Variants in POP5 observed in about 807,000 individuals in gnomAD.
POP5 encodes the protein ribonuclease P/MRP protein subunit POP5.
POP5 carries 18 observed loss-of-function variants against 20.7 expected under a neutral mutation model. The ratio of observed to expected loss-of-function variants is 0.87; its 90% CI spans 0.60 to 1.29. POP5 has a LOEUF of 1.29. Among genes scored for constraint, POP5 ranks in the 50% most tolerant of loss-of-function variants. POP5 has a pLI of 0.00. For synonymous variants in POP5, 91 were observed against 78.0 expected (o/e 1.17, Z -0.88); for missense variants, 200 against 203.2 (o/e 0.98, Z 0.10).
At position 120,579,440 on chromosome 12, in the gene POP5, A is replaced by T. The variant is rs509445; in HGVS notation, c.398-28T>A. The T allele has an allele frequency of 1.5e-5, 24 of 1,609,008 alleles. No homozygotes were observed. In the East Asian group the frequency reaches 4.9e-4, roughly 33 times the overall value. The stretch of plus-strand genomic sequence containing the variant: ...GGAGAAGGCAGATAACAGGGATGAA[A>T]GATATCTTTGGGAGTGATTTCTTCA... On this transcript the variant is annotated intron_variant, in intron 4 of 4. Transcript: ENST00000357500.
At chr12:120,581,313 C>G in intron 1 of POP5, 30 bp downstream of exon 1, 1 of 1,614,152 alleles carries the variant, frequency 6.2e-7, no homozygotes, top group Non-Finnish European at 8.5e-7. Context: ...CCCAGCAAGG[C>G]ACTGGGAGGG....
rs1383532340 is a variant in POP5, at chr12:120,581,073, G to A, written c.163+42C>T. 4 of 1,596,630 alleles carry A rather than the reference G, an allele frequency of 2.5e-6. No homozygotes were observed. The Admixed American group carries it at 6.7e-5, about 27-fold the overall frequency. On this transcript the variant is annotated intron_variant, in intron 2 of 4. Coordinates refer to ENST00000357500, the MANE Select transcript of POP5 (RefSeq NM_015918.4). ...CCGGCGCCTGCCCCCTCCACATCCC[G>A]CCATCCTCCCGGGTTCCCCTCTTCC... is the stretch of plus-strand genomic sequence containing the variant.
chr12:120,581,169 TC>T lies in POP5; in HGVS notation c.108del (p.Ile37SerfsTer28), dbSNP rs1565979861. ...DRVLSSLVRD[T>X]IARVHGTFGA... Reference sequence around the variant, plus strand: ...CCGAAAGTTCCGTGCACCCTGGCGATCGTGTCCCGTACGAGGCTGCTCAGAA... The same window carrying T: ...CCGAAAGTTCCGTGCACCCTGGCGATGTGTCCCGTACGAGGCTGCTCAGAA... On this transcript the variant is annotated frameshift_variant, in exon 2 of 5. Transcript: ENST00000357500. LOFTEE classifies it high-confidence loss of function. The T allele has an allele frequency of 6.2e-7, 1 of 1,613,794 alleles. No individual in the cohort carries two copies. The highest frequency in any genetic ancestry group is 1.7e-5 in the Admixed American group (1 of 60,032).
rs770689886 is a variant in POP5 at position 120,579,365 on chromosome 12, C to T, written c.445G>A (p.Glu149Lys). ...TCCTCACCTGACTCCTCCTCCTCCT[C>T]TAATAAGCAGCTTCTTGTCACAGAC... ...QKSVTRSCLL[E>K]EEEESGEEAA... Residue 149 changes from glutamate to lysine, a missense_variant, in exon 5 of 5, where the codon GAG becomes AAG. Glu to Lys is a moderately conservative substitution (Grantham distance 56, BLOSUM62 1). Coordinates refer to ENST00000357500, the MANE Select transcript of POP5 (RefSeq NM_015918.4). 1.9e-6 allele frequency: 3 copies of T among 1,614,224 alleles called. No individual in the cohort carries two copies. Among genetic ancestry groups the T allele is most frequent in the Admixed American group, 1.7e-5 (1 of 60,030 alleles).
intron 4 of POP5, 47 bp from the exon 5 acceptor site, chr12:120,579,459 T>G: frequency 1.2e-6 from 2 of 1,607,664 alleles, no homozygotes; most frequent in South Asian, 1.1e-5. Context: ...TGGGAGTGAT[T>G]TCTTCAGCTT....
At chr12:120,579,660 G>A in intron 3 of POP5, 63 bp from the exon 4 acceptor site, 1 of 1,548,550 alleles carries the variant, frequency 6.5e-7, no homozygotes, top group Non-Finnish European at 8.9e-7. Flanking sequence ...GACTTTCAGA[G>A]GTAGGGGGAA....
rs1304881078 is a variant in POP5 at position 120,579,003 on chromosome 12, C to T, written c.*315G>A. The stretch of plus-strand genomic sequence containing the variant: ...GAGAGAGAACAGAGACTTGGCCAAG[C>T]ATGGACTCCATAAGCCCTTTCTGTA... On this transcript the variant is annotated 3_prime_UTR_variant, in exon 5 of 5. Transcript: ENST00000357500. 1 of 363,788 alleles carries T rather than the reference C, an allele frequency of 2.7e-6. No individual in the cohort carries two copies. Among genetic ancestry groups the T allele is most frequent in the Non-Finnish European group, 5.2e-6 (1 of 193,788 alleles). The allele number at this position is 363,788 out of a possible 1,614,324, so 22.5% of individuals were successfully genotyped here.
At position 120,581,343 on chromosome 12, in the gene POP5, C is replaced by T. The variant is rs1392680922; in HGVS notation, c.20G>A (p.Arg7Lys). 3 of 1,613,636 alleles carry T rather than the reference C, an allele frequency of 1.9e-6. No individual in the cohort carries two copies. The highest frequency in any genetic ancestry group is 1.3e-5 in the African/African-American group (1 of 74,960). The change falls in exon 1 of 5, where the codon AGG becomes AAG. Residue 7 changes from arginine to lysine, a missense_variant and splice_region_variant. Arg to Lys is a conservative substitution (Grantham distance 26). Transcript: ENST00000357500. Reference protein sequence around the residue: MVRFKHRYLLCELVSDD... With the variant: MVRFKHKYLLCELVSDD... ...GGAGGGTCTGGAAGGGAATGCTTAC[C>T]TGTGCTTGAACCGCACCATGGCTGC...
rs746614643 is a variant in POP5, at chr12:120,579,594, G to A, written c.317C>T (p.Thr106Ile). ...CFFNTLHVGG[T>I]IRTCQKFLIQ... ...TAGGAACTTCTGACATGTTCTTATT[G>A]TACCTGGCATATGAGTTACTGTGGT... is the stretch of plus-strand genomic sequence containing the variant. Residue 106 changes from threonine to isoleucine, a missense_variant, in exon 4 of 5, where the codon ACA (threonine) becomes ATA (isoleucine). Coordinates refer to ENST00000357500, the MANE Select transcript of POP5 (RefSeq NM_015918.4). 3.1e-6 allele frequency: 5 copies of A among 1,612,586 alleles called. No homozygotes were observed. Among genetic ancestry groups the A allele is most frequent in the South Asian group, 1.1e-5 (1 of 91,040 alleles).
At position 120,581,382 on chromosome 12, in the gene POP5, G is replaced by C. The variant is rs1184264173; in HGVS notation, c.-20C>G. 13 of 1,607,842 alleles carry C rather than the reference G, an allele frequency of 8.1e-6. No individual in the cohort carries two copies. The highest frequency in any genetic ancestry group is 1.3e-5 in the African/African-American group (1 of 74,926). ...CACCATGGCTGCCTCCGCGCTCTCC[G>C]GTCCGGCGTGCAAACCGGATGTGAA... is the stretch of plus-strand genomic sequence containing the variant. On this transcript the variant is annotated 5_prime_UTR_variant, in exon 1 of 5. Coordinates refer to ENST00000357500, the MANE Select transcript of POP5 (RefSeq NM_015918.4).
At position 120,579,132 on chromosome 12, in the gene POP5, C is replaced by G; in HGVS notation, c.*186G>C. On this transcript the variant is annotated 3_prime_UTR_variant, in exon 5 of 5. Transcript: ENST00000357500. ...GAGTTCACAACCTGCAACACTTCAC[C>G]AGGGAATGCTAGGTAAAGGCAACTT... 1.6e-6 allele frequency: 1 copy of G among 614,092 alleles called. No homozygotes were observed. The highest frequency in any genetic ancestry group is 2.9e-6 in the Non-Finnish European group (1 of 342,496). The allele number at this position is 614,092 out of a possible 1,614,324, so 38.0% of individuals were successfully genotyped here. A position where few individuals can be genotyped will look rare whatever the true frequency, so the allele number is the denominator to read the frequency against.
chr12:120,579,262 TCAA>T lies in POP5; in HGVS notation c.*53_*55del. 2 of 1,479,822 alleles carry T rather than the reference TCAA, an allele frequency of 1.4e-6. No individual in the cohort carries two copies. The highest frequency in any genetic ancestry group is 1.9e-6 in the Non-Finnish European group (2 of 1,058,748). The allele number at this position is 1,479,822 out of a possible 1,614,324, so 91.7% of individuals were successfully genotyped here. On this transcript the variant is annotated 3_prime_UTR_variant, in exon 5 of 5. Transcript: ENST00000357500. ...GCTGTTGCTACCCAGATTGTTCTGT[TCAA>T]CAAGTGGGCCTGAAGCCTGAGCAGT... is the stretch of plus-strand genomic sequence containing the variant.
At chr12:120,580,313 A>G (rs1877797130) in intron 2 of POP5, among the ~76,000 whole-genome samples, 1 of 152,230 alleles carries the variant, frequency 6.6e-6, no homozygotes, top group Admixed American at 6.5e-5. Flanking sequence ...TGGCACGTAG[A>G]TCTATCAGCG....
chr12:120,580,484 C>T (rs552483951), intron 2 of POP5: 2 of 153,864 alleles, frequency 1.3e-5, no homozygotes, highest in South Asian at 2.0e-4. Flanking sequence ...CCACAAAACC[C>T]TTGCCTGAAA....
At chr12:120,580,969 T>TG (rs1877831918) in intron 2 of POP5, 146 bp downstream of exon 2, 1 of 1,305,864 alleles carries the variant, frequency 7.7e-7, no homozygotes, top group African/African-American at 1.5e-5. Context: ...GACTCTCGCT[T>TG]GGGGTCCCAG....
chr12:120,579,995 AC>A, intron 2 of POP5, 72 bp from the exon 3 acceptor site: 1 of 1,453,520 alleles, frequency 6.9e-7, no homozygotes, highest in Non-Finnish European at 9.4e-7. Flanking sequence ...TAATCCCAGC[AC>A]TTTGGGAGGC....
chr12:120,581,206 G>C lies in POP5; in HGVS notation c.72C>G (p.Leu24=), dbSNP rs74750729. The C allele has an allele frequency of 4.3e-4, 701 of 1,614,164 alleles. 6 individuals carry two copies. In the African/African-American group the frequency reaches 8.3e-3, roughly 19 times the overall value. ...CGAGGCTGCTCAGAACTCGGTCATC[G>C]AGGCTTAGGCGGCAGCGGGGGTCGT... The part of the protein sequence containing the change: ...VSDDPRCRLS[L]DDRVLSSLVR... Residue 24 remains leucine, a synonymous_variant, in exon 2 of 5, where the codon CTC becomes CTG. Coordinates refer to ENST00000357500, the MANE Select transcript of POP5 (RefSeq NM_015918.4).
intron 2 of POP5, among the ~76,000 whole-genome samples, chr12:120,580,352 T>G (rs1207600464): frequency 6.6e-6 from 1 of 152,224 alleles, no homozygotes; most frequent in Non-Finnish European, 1.5e-5. Context: ...AAACACCCAC[T>G]GTGTTGCACA....
At chr12:120,580,959 G>C in intron 2 of POP5, 156 bp downstream of exon 2, 2 of 1,207,530 alleles carry the variant, frequency 1.7e-6, no homozygotes, top group Non-Finnish European at 2.3e-6. Flanking sequence ...GCTAATTTCG[G>C]ACTCTCGCTT....
Sources: gnomAD v4.1 joint callset for allele counts (sites outside exome capture counted in the v4.1 genomes callset) on GRCh38, gnomAD v4.1.1 for gene constraint, MANE v1.5 for transcripts, NCBI Gene and HGNC (gene_info 2026-07-23, HGNC 2026-07-21) for gene names.